Variants in CCDC178 observed in about 807,000 individuals in gnomAD.
The protein encoded by CCDC178 is coiled-coil domain containing 178.
A neutral mutation model predicts 117.4 loss-of-function variants in CCDC178; 126 were observed. The ratio of observed to expected loss-of-function variants is 1.07; its 90% CI spans 0.93 to 1.24. CCDC178 has a LOEUF of 1.24. Ranked by LOEUF, CCDC178 falls within the 50% of genes most tolerant of loss-of-function variation. The probability of loss-of-function intolerance (pLI) is 0.00; values close to 1 mark genes in which losing one functional copy is unlikely to be tolerated. For synonymous variants in CCDC178, 283 were observed against 313.4 expected, an observed-to-expected ratio of 0.90 and a Z score of 1.02; for missense variants, 1,030 against 986.9, an observed-to-expected ratio of 1.04 and a Z score of -0.59.
At chr18:33,348,544 C>G (rs1005157397) in intron 8 of CCDC178, among the ~76,000 whole-genome samples, 3 of 151,892 alleles carry the variant, frequency 2.0e-5, no homozygotes, top group Admixed American at 6.6e-5. Flanking sequence ...GGTTCAACAG[C>G]TGTACGTGGC....
intron 22 of CCDC178, among the ~76,000 whole-genome samples, chr18:32,971,328 C>G (rs1469902598): frequency 6.6e-6 from 1 of 152,110 alleles, no homozygotes; most frequent in Non-Finnish European, 1.5e-5. Context: ...CCAGCTTCAT[C>G]CATGTCCCTG....
At chr18:32,962,991 C>A (rs912537387) in intron 22 of CCDC178, among the ~76,000 whole-genome samples, 1 of 151,962 alleles carries the variant, frequency 6.6e-6, no homozygotes, top group Admixed American at 6.6e-5. Context: ...CCTGATATTT[C>A]TGGACTTATT....
rs568699360 is a variant in CCDC178, at chr18:33,139,533, G to A, written c.2239-46623C>T. Among the ~76,000 whole-genome samples the A allele has an allele frequency of 2.8e-3, 428 of 152,296 alleles. 2 individuals carry two copies. The highest frequency in any genetic ancestry group is 4.5e-3 in the Non-Finnish European group (309 of 68,022). ...GAACTTGTTGGGAACTGGAGCAAAG[G>A]TGACTCTTGCTATGTTTTAGCAAAC... On this transcript the variant is annotated intron_variant, in intron 20 of 22. Transcript: ENST00000383096.
At chr18:33,206,133 A>AC (rs1318244636) in intron 20 of CCDC178, among the ~76,000 whole-genome samples, 1 of 151,792 alleles carries the variant, frequency 6.6e-6, no homozygotes, top group Non-Finnish European at 1.5e-5. Context: ...TGCATCCCCC[A>AC]CCCCCCAAAA....
chr18:33,224,734 A>G (rs775154383), intron 17 of CCDC178, 41 bp downstream of exon 17: 4 of 1,273,600 alleles, frequency 3.1e-6, no homozygotes, highest in Non-Finnish European at 4.2e-6. Flanking sequence ...ACTAACGTAT[A>G]TATTTCTGCA....
In CCDC178 at chr18:33,348,972, G is replaced by T; in HGVS notation, c.375C>A (p.Ser125Arg). Residue 125 changes from serine to arginine, a missense_variant, in exon 8 of 23, where the codon AGC (serine) becomes AGA (arginine). Ser to Arg is a moderately radical substitution (Grantham distance 110). Transcript: ENST00000383096. The part of the protein sequence containing the change: ...KRFETSFEEW[S>R]RTSSTKDLKE... ...TCAGGTCTTTTGTGGAAGAAGTTCT[G>T]CTCCTATATAATGGGAAAGAAGCAA... 6.2e-7 allele frequency: 1 copy of T among 1,601,874 alleles called. No homozygotes were observed. Among genetic ancestry groups the T allele is most frequent in the Non-Finnish European group, 8.5e-7 (1 of 1,173,030 alleles).
intron 21 of CCDC178, among the ~76,000 whole-genome samples, chr18:33,071,273 C>A (rs1163966041): frequency 6.6e-6 from 1 of 151,880 alleles, no homozygotes; most frequent in African/African-American, 2.4e-5. Flanking sequence ...AAAGATCTGT[C>A]TATATATAAA....
chr18:33,262,507 C>G (rs567406895), intron 14 of CCDC178, among the ~76,000 whole-genome samples: 1 of 152,298 alleles, frequency 6.6e-6, no homozygotes, highest in South Asian at 2.1e-4. Context: ...CATATGGCTT[C>G]TTTAGTGGAC....
At chr18:33,055,556 T>C (rs2056816081) in intron 21 of CCDC178, among the ~76,000 whole-genome samples, 1 of 152,122 alleles carries the variant, frequency 6.6e-6, no homozygotes. Flanking sequence ...TTCGAACTTC[T>C]GGGCTCAAGC....
intron 20 of CCDC178, among the ~76,000 whole-genome samples, chr18:33,201,033 G>A (rs1228697020): frequency 6.6e-6 from 1 of 152,060 alleles, no homozygotes; most frequent in East Asian, 1.9e-4. Flanking sequence ...CACTTCATTT[G>A]GACTTCCATT....
intron 21 of CCDC178, among the ~76,000 whole-genome samples, chr18:32,985,685 C>A (rs1809801907): frequency 6.6e-6 from 1 of 151,862 alleles, no homozygotes. Flanking sequence ...TGAAGATACT[C>A]AAAGAATCTA....
intron 14 of CCDC178, among the ~76,000 whole-genome samples, chr18:33,251,547 T>G (rs1374770478): frequency 6.6e-6 from 1 of 151,736 alleles, no homozygotes; most frequent in Non-Finnish European, 1.5e-5. Flanking sequence ...GGCCTCTAAT[T>G]GGCCCCAGTC....
intron 21 of CCDC178, among the ~76,000 whole-genome samples, chr18:33,014,839 C>T (rs1414375872): frequency 1.3e-5 from 2 of 152,020 alleles, no homozygotes; most frequent in African/African-American, 4.8e-5. Context: ...GCAACAACAG[C>T]AATAACAAAT....
intron 22 of CCDC178, among the ~76,000 whole-genome samples, chr18:32,957,149 G>A (rs1324718944): frequency 1.3e-5 from 2 of 152,174 alleles, no homozygotes; most frequent in African/African-American, 4.8e-5. Context: ...GAGGCTGAAT[G>A]CTGAGATCCT....
intron 21 of CCDC178, among the ~76,000 whole-genome samples, chr18:33,074,460 T>G (rs1457058525): frequency 6.6e-6 from 1 of 152,164 alleles, no homozygotes; most frequent in African/African-American, 2.4e-5. Flanking sequence ...TTTCTTTTGC[T>G]TAAAATTATG....
At chr18:33,048,059 G>A (rs74662860) in intron 21 of CCDC178, among the ~76,000 whole-genome samples, 3,952 of 152,212 alleles carry the variant, frequency 0.026, 82 homozygotes, top group East Asian at 0.1. Flanking sequence ...AGGTAATGAA[G>A]TTAAGGTAAT....
At chr18:33,144,424 C>T (rs1223162372) in intron 20 of CCDC178, among the ~76,000 whole-genome samples, 2 of 151,996 alleles carry the variant, frequency 1.3e-5, no homozygotes, top group Non-Finnish European at 2.9e-5. Flanking sequence ...ATGGGTCATA[C>T]TTTAATATTA....
At chr18:32,979,813 T>C (rs1389709516) in intron 21 of CCDC178, among the ~76,000 whole-genome samples, 4 of 152,184 alleles carry the variant, frequency 2.6e-5, no homozygotes, top group African/African-American at 7.2e-5. Flanking sequence ...ACATGTGATA[T>C]ATATAATTTA....
chr18:33,288,221 C>T (rs1283237827), intron 12 of CCDC178, among the ~76,000 whole-genome samples: 6 of 148,706 alleles, frequency 4.0e-5, no homozygotes, highest in Admixed American at 4.0e-4. Context: ...CCCTCCTCCT[C>T]TCCTCCTCCT....
Sources: allele counts gnomAD v4.1 joint callset (sites outside exome capture counted in the v4.1 genomes callset), GRCh38; gene constraint gnomAD v4.1.1; transcripts MANE v1.5; gene names NCBI Gene and HGNC (gene_info 2026-07-23, HGNC 2026-07-21).